The following KLF8 variants were observed in gnomAD, a reference collection of about 807,000 sequenced individuals.
KLF8 encodes Krueppel-like factor 8.
In KLF8, 10 loss-of-function variants were observed where a neutral mutation model predicts 18.2. The ratio of observed to expected loss-of-function variants is 0.55; its 90% CI spans 0.34 to 0.93. KLF8 has a LOEUF of 0.93. KLF8 is among the 40% of genes least tolerant of loss of function. The pLI, the probability that KLF8 is intolerant of heterozygous loss-of-function variation, is 0.02. For synonymous variants in KLF8, 109 were observed against 97.3 expected (o/e 1.12, Z -0.71); for missense variants, 264 against 277.9 (o/e 0.95, Z 0.36).
the KLF8 span, among the ~76,000 whole-genome samples, chrX:56,063,686 C>T: frequency 5.4e-5 from 6 of 111,597 alleles, no homozygotes; most frequent in Non-Finnish European, 9.4e-5. Context: ...AAGTGCTGTG[C>T]TGGGAGATCC....
At chrX:56,193,622 G>C in the KLF8 span, among the ~76,000 whole-genome samples, 1 of 112,182 alleles carries the variant, frequency 8.9e-6, no homozygotes, top group African/African-American at 3.2e-5. Flanking sequence ...ACACAATTGA[G>C]TATTATTTAG....
At chrX:56,167,700 G>A in the KLF8 span, among the ~76,000 whole-genome samples, 141 of 111,676 alleles carry the variant, frequency 1.3e-3, no homozygotes, top group Non-Finnish European at 2.4e-3. Flanking sequence ...TACCATGACA[G>A]GCACTGTGGC....
At chrX:55,984,333 C>T in the KLF8 span, among the ~76,000 whole-genome samples, 10 of 110,859 alleles carry the variant, frequency 9.0e-5, no homozygotes, top group Admixed American at 2.9e-4. Flanking sequence ...CATTCAGCTC[C>T]CACTTATAAG....
the KLF8 span, among the ~76,000 whole-genome samples, chrX:56,048,402 A>T: frequency 8.1e-5 from 9 of 111,389 alleles, no homozygotes; most frequent in African/African-American, 2.6e-4. Context: ...TGGTTTTAGG[A>T]CTAACATGTA....
the KLF8 span, among the ~76,000 whole-genome samples, chrX:56,174,060 C>G: frequency 1.8e-5 from 2 of 111,755 alleles, no homozygotes; most frequent in African/African-American, 6.5e-5. Context: ...ATTTGCCTTC[C>G]TCTTTTCCTG....
At chrX:56,104,315 A>G in the KLF8 span, among the ~76,000 whole-genome samples, 2 of 111,432 alleles carry the variant, frequency 1.8e-5, no homozygotes, top group African/African-American at 3.3e-5. Context: ...TACCTCTGGT[A>G]GAATTCGGTT....
the KLF8 span, among the ~76,000 whole-genome samples, chrX:56,166,823 G>T: frequency 9.0e-6 from 1 of 111,425 alleles, no homozygotes; most frequent in Non-Finnish European, 1.9e-5. Flanking sequence ...GAAATCATTT[G>T]TTAGCAGGCT....
chrX:56,196,549 A>G, the KLF8 span, among the ~76,000 whole-genome samples: 1 of 112,446 alleles, frequency 8.9e-6, no homozygotes, highest in Non-Finnish European at 1.9e-5. Flanking sequence ...AGAGCTAACT[A>G]TCCTAAAGAT....
chrX:56,049,999 G>A, the KLF8 span, among the ~76,000 whole-genome samples: 2 of 111,231 alleles, frequency 1.8e-5, no homozygotes, highest in South Asian at 3.8e-4. Flanking sequence ...GTCTTGGCAG[G>A]GTGTATGTGT....
the KLF8 span, among the ~76,000 whole-genome samples, chrX:56,048,711 A>G: frequency 8.9e-6 from 1 of 111,848 alleles, no homozygotes; most frequent in East Asian, 2.8e-4. Context: ...TGATGCCTCC[A>G]GCTTTGTTCT....
the KLF8 span, among the ~76,000 whole-genome samples, chrX:55,919,456 A>C: frequency 8.9e-6 from 1 of 111,743 alleles, no homozygotes; most frequent in Non-Finnish European, 1.9e-5. Flanking sequence ...CTCAACAGGG[A>C]GGTTCGTGGT....
At chrX:55,951,125 G>A in the KLF8 span, among the ~76,000 whole-genome samples, 7 of 111,427 alleles carry the variant, frequency 6.3e-5, no homozygotes, top group Admixed American at 9.6e-5. Context: ...GACCAAAATG[G>A]CAATAAGTAC....
At chrX:55,915,199 G>C in the KLF8 span, among the ~76,000 whole-genome samples, 5 of 111,179 alleles carry the variant, frequency 4.5e-5, no homozygotes, top group Non-Finnish European at 7.6e-5. Flanking sequence ...TCTAAGCATT[G>C]AATTTACTAT....
chrX:56,178,341 T>C, the KLF8 span, among the ~76,000 whole-genome samples: 3 of 112,565 alleles, frequency 2.7e-5, no homozygotes, highest in South Asian at 7.3e-4. Flanking sequence ...GTTTGATTTT[T>C]TCTTGTAAGT....
the KLF8 span, among the ~76,000 whole-genome samples, chrX:55,911,651 G>A: frequency 9.0e-6 from 1 of 111,533 alleles, no homozygotes; most frequent in Admixed American, 9.6e-5. Flanking sequence ...GCGAGGAAGG[G>A]AATTGAGAGA....
the KLF8 span, among the ~76,000 whole-genome samples, chrX:56,039,247 C>T: frequency 8.9e-6 from 1 of 111,830 alleles, no homozygotes; most frequent in African/African-American, 3.3e-5. Flanking sequence ...GCTTTTGTTG[C>T]AATTGCTTCT....
At position 56,265,518 on chromosome X, in the gene KLF8, C is replaced by T. The variant is rs2066959005; in HGVS notation, c.420C>T (p.Thr140=). 3 of 1,210,092 alleles carry T rather than the reference C, an allele frequency of 2.5e-6. No individual in the cohort carries two copies. Among genetic ancestry groups the T allele is most frequent in the Admixed American group, 2.2e-5 (1 of 45,771 alleles). Residue 140 remains threonine, a synonymous_variant, in exon 3 of 6, where the codon ACC becomes ACT. Coordinates refer to ENST00000468660, the MANE Select transcript of KLF8 (RefSeq NM_007250.5). ...STSANIPTVL[T]PGSVLTSSQS... ...CAGCAAACATTCCTACTGTTCTGAC[C>T]CCAGGCTCTGTCCTGACCTCCTCTC...
the KLF8 span, among the ~76,000 whole-genome samples, chrX:56,213,598 C>T: frequency 2.7e-5 from 3 of 110,490 alleles, no homozygotes; most frequent in Non-Finnish European, 5.7e-5. Context: ...GCTGGGATAA[C>T]AGGCATGAGC....
the KLF8 span, among the ~76,000 whole-genome samples, chrX:56,026,694 G>A: frequency 8.9e-6 from 1 of 111,770 alleles, no homozygotes; most frequent in Non-Finnish European, 1.9e-5. Context: ...CACAAATGCT[G>A]GCCCAATATC....
Sources: allele counts gnomAD v4.1 joint callset (sites outside exome capture counted in the v4.1 genomes callset), GRCh38; gene constraint gnomAD v4.1.1; transcripts MANE v1.5; gene names NCBI Gene and HGNC (gene_info 2026-07-23, HGNC 2026-07-21).